The following PDE6A variants were observed in gnomAD, a reference collection of about 807,000 sequenced individuals.
PDE6A encodes the protein rod cGMP-specific 3',5'-cyclic phosphodiesterase subunit alpha.
PDE6A carries 84 observed loss-of-function variants against 106.3 expected under a neutral mutation model. The ratio of observed to expected loss-of-function variants is 0.79; its 90% CI spans 0.66 to 0.95. The LOEUF (loss-of-function observed/expected upper bound fraction) is 0.95, where lower values mean the gene tolerates loss of function less well. PDE6A is among the 40% of genes least tolerant of loss of function. The pLI, the probability that PDE6A is intolerant of heterozygous loss-of-function variation, is 0.00. For missense variants in PDE6A, 1,052 were observed against 1,084.9 expected (o/e 0.97, Z 0.43); for synonymous variants, 394 against 386.6 (o/e 1.02, Z -0.23).
At chr5:149,940,335 C>T (rs1033093167) in intron 1 of PDE6A, among the ~76,000 whole-genome samples, 10 of 152,122 alleles carry the variant, frequency 6.6e-5, no homozygotes, top group African/African-American at 2.4e-4. Flanking sequence ...TGGATGAGTC[C>T]TCCGGAAAGT....
intron 19 of PDE6A, chr5:149,867,359 A>G: frequency 2.6e-6 from 1 of 377,726 alleles, no homozygotes; most frequent in South Asian, 2.3e-5. Context: ...GGACTTCTAG[A>G]CCTTTGAAAT....
chr5:149,937,631 G>A lies in PDE6A; in HGVS notation c.475-2913C>T, dbSNP rs147219667. On this transcript the variant is annotated intron_variant, in intron 1 of 21. Transcript: ENST00000255266. Reference sequence around the variant, plus strand: ...GGGCTCAAGTGATCCTCCCACCTCGGCCTCCCAAAGTGCTGGGGTTACAGG... The same window carrying A: ...GGGCTCAAGTGATCCTCCCACCTCGACCTCCCAAAGTGCTGGGGTTACAGG... Among the ~76,000 whole-genome samples the A allele has an allele frequency of 2.2e-3, 328 of 152,272 alleles. 2 individuals carry two copies. The highest frequency in any genetic ancestry group is 7.5e-3 in the African/African-American group (311 of 41,564).
chr5:149,907,224 C>G, intron 7 of PDE6A, 88 bp downstream of exon 7: 1 of 1,046,962 alleles, frequency 9.6e-7, no homozygotes, highest in South Asian at 1.3e-5. Flanking sequence ...TTGCCATCAT[C>G]TTTTCCACTC....
At chr5:149,867,946 A>G in intron 18 of PDE6A, 147 bp from the exon 19 acceptor site, 1 of 1,094,696 alleles carries the variant, frequency 9.1e-7, no homozygotes, top group Non-Finnish European at 1.4e-6. Flanking sequence ...TCATCACTGG[A>G]GAGACGTAAA....
intron 12 of PDE6A, among the ~76,000 whole-genome samples, chr5:149,895,631 AG>A (rs769894324): frequency 1.1e-3 from 153 of 144,118 alleles, no homozygotes; most frequent in Middle Eastern, 3.4e-3. Context: ...AGGGCTCTAC[AG>A]GGAAAAAAAA....
At chr5:149,939,729 T>C (rs560715372) in intron 1 of PDE6A, among the ~76,000 whole-genome samples, 1 of 152,310 alleles carries the variant, frequency 6.6e-6, no homozygotes, top group African/African-American at 2.4e-5. Flanking sequence ...CAAGGCCACA[T>C]TCTTTGAAAG....
intron 7 of PDE6A, among the ~76,000 whole-genome samples, chr5:149,904,670 T>TG (rs1453230525): frequency 2.6e-5 from 4 of 152,128 alleles, no homozygotes; most frequent in Non-Finnish European, 4.4e-5. Flanking sequence ...GGGCTGTCTG[T>TG]GGTCTTAGAG....
intron 4 of PDE6A, among the ~76,000 whole-genome samples, chr5:149,928,615 G>A (rs959915227): frequency 6.6e-5 from 10 of 152,176 alleles, no homozygotes; most frequent in East Asian, 3.9e-4. Context: ...TGAAGAATGC[G>A]TTGCACTATG....
intron 17 of PDE6A, among the ~76,000 whole-genome samples, chr5:149,875,329 C>T (rs570214536): frequency 9.9e-5 from 15 of 152,210 alleles, no homozygotes; most frequent in South Asian, 4.1e-4. Context: ...GACTGAGAAA[C>T]GCTGCATTAC....
intron 17 of PDE6A, among the ~76,000 whole-genome samples, chr5:149,881,138 C>T (rs955861718): frequency 5.3e-5 from 8 of 152,146 alleles, no homozygotes; most frequent in Non-Finnish European, 1.2e-4. Context: ...AATCCTTATG[C>T]ACTGCTGGTG....
intron 1 of PDE6A, among the ~76,000 whole-genome samples, chr5:149,940,953 A>C (rs1366988201): frequency 6.6e-6 from 1 of 152,164 alleles, no homozygotes; most frequent in African/African-American, 2.4e-5. Context: ...TAAGATGCTT[A>C]ATCTGAAGTA....
chr5:149,886,243 G>C lies in PDE6A; in HGVS notation c.1838+22C>G, dbSNP rs569313193. On this transcript the variant is annotated intron_variant, in intron 14 of 21. Transcript: ENST00000255266. ...GGATAATGAATCCGGAGGGTTGGGTGTGGGGAGGGAGGCTGACTCACTTCA... is the reference window on the plus strand; with the variant it reads ...GGATAATGAATCCGGAGGGTTGGGTCTGGGGAGGGAGGCTGACTCACTTCA... 3.3e-6 allele frequency: 5 copies of C among 1,523,106 alleles called. No individual in the cohort carries two copies. The South Asian group carries it at 4.5e-5, about 14-fold the overall frequency. 94.3% of individuals were successfully genotyped at this position (1,523,106 alleles called of 1,614,324 possible).
intron 5 of PDE6A, among the ~76,000 whole-genome samples, chr5:149,920,947 A>AAAG (rs200301602): frequency 1.1e-4 from 12 of 109,662 alleles, no homozygotes; most frequent in Admixed American, 1.8e-4. Context: ...AGAGAAAAAG[A>AAAG]AAGAAAGAAA....
At chr5:149,874,650 G>A (rs9324632) in intron 17 of PDE6A, among the ~76,000 whole-genome samples, 11,482 of 152,082 alleles carry the variant, frequency 0.075, 1,405 homozygotes, top group African/African-American at 0.26. Context: ...CGGAGGCTGG[G>A]GATGGGGCTG....
chr5:149,865,287 G>A (rs1378761204), intron 20 of PDE6A, among the ~76,000 whole-genome samples: 1 of 150,700 alleles, frequency 6.6e-6, no homozygotes, highest in Non-Finnish European at 1.5e-5. Context: ...GTGTGCACCT[G>A]TGGTCCCAGC....
At chr5:149,913,497 G>A (rs30825) in intron 6 of PDE6A, among the ~76,000 whole-genome samples, 93,634 of 151,944 alleles carry the variant, frequency 0.62, 29,433 homozygotes, top group Non-Finnish European at 0.68. Context: ...CATCCTCACC[G>A]GTAACAGACA....
chr5:149,915,269 G>A (rs10061656), intron 5 of PDE6A, among the ~76,000 whole-genome samples: 6,149 of 151,898 alleles, frequency 0.04, 150 homozygotes, highest in African/African-American at 0.049. Flanking sequence ...TCAGCCTCCC[G>A]AAGTGCTGGG....
rs540946744 is a variant in PDE6A at position 149,858,300 on chromosome 5, C to T, written c.*2595G>A. The T allele has an allele frequency of 5.3e-5, 8 of 152,162 alleles. No homozygotes were observed. In the South Asian group the frequency reaches 1.5e-3, roughly 28 times the overall value. The allele number at this position is 152,162 out of a possible 1,614,324, so 9.4% of individuals were successfully genotyped here. A position where few individuals can be genotyped will look rare whatever the true frequency, so the allele number is the denominator to read the frequency against. ...GGAACGATAGAGAAGGAAAAAAAAT[C>T]AAGATTTGGACAAGTGTAACAAATT... On this transcript the variant is annotated 3_prime_UTR_variant, in exon 22 of 22. Transcript: ENST00000255266.
chr5:149,928,327 T>A (rs1753930815), intron 4 of PDE6A, among the ~76,000 whole-genome samples: 1 of 144,588 alleles, frequency 6.9e-6, no homozygotes, highest in East Asian at 2.2e-4. Context: ...AACCTCCACC[T>A]CCCAGGTTCA....
Sources: allele counts gnomAD v4.1 joint callset (sites outside exome capture counted in the v4.1 genomes callset), GRCh38; gene constraint gnomAD v4.1.1; transcripts MANE v1.5; gene names NCBI Gene and HGNC (gene_info 2026-07-23, HGNC 2026-07-21).